Variants in ZFHX3 observed in about 807,000 individuals in gnomAD.
The protein encoded by ZFHX3 is zinc finger homeobox 3, also known as zinc finger homeobox protein 3.
A neutral mutation model predicts 279.1 loss-of-function variants in ZFHX3; 42 were observed. The ratio of observed to expected loss-of-function variants is 0.15; its 90% CI spans 0.12 to 0.19. The LOEUF (loss-of-function observed/expected upper bound fraction) is 0.19. Ranked by LOEUF, ZFHX3 falls within the 10% of genes least tolerant of loss-of-function variation. ZFHX3 has a pLI of 1.00. For missense variants in ZFHX3, 4,981 were observed against 4,754.0 expected, an observed-to-expected ratio of 1.05 and a Z score of -1.40; for synonymous variants, 2,293 against 1,957.8, an observed-to-expected ratio of 1.17 and a Z score of -4.52.
intron 3 of ZFHX3, among the ~76,000 whole-genome samples, chr16:73,336,803 C>T (rs756959791): frequency 1.3e-5 from 2 of 152,088 alleles, no homozygotes; most frequent in Admixed American, 1.3e-4. Flanking sequence ...TCTTTGCAAC[C>T]GCATCCCCTG....
chr16:72,832,812 C>T (rs2037095931), intron 4 of ZFHX3, among the ~76,000 whole-genome samples: 1 of 152,244 alleles, frequency 6.6e-6, no homozygotes, highest in Non-Finnish European at 1.5e-5. Flanking sequence ...CTAACCTGAG[C>T]ATGTGGAAAT....
intron 7 of ZFHX3, among the ~76,000 whole-genome samples, chr16:73,114,733 C>G (rs1256829826): frequency 1.3e-5 from 2 of 152,158 alleles, no homozygotes; most frequent in Non-Finnish European, 2.9e-5. Context: ...CAATTTTCTG[C>G]AAGGAAATAA....
chr16:73,711,696 G>C (rs1418568316), intron 1 of ZFHX3, among the ~76,000 whole-genome samples: 2 of 152,214 alleles, frequency 1.3e-5, no homozygotes, highest in Non-Finnish European at 2.9e-5. Flanking sequence ...GAAAAAATAA[G>C]AGGCTGATGG....
intron 1 of ZFHX3, among the ~76,000 whole-genome samples, chr16:72,994,915 C>G (rs140147860): frequency 7.4e-4 from 112 of 152,300 alleles, no homozygotes; most frequent in African/African-American, 2.5e-3. Context: ...TAGCAATATT[C>G]CGGAACCCCT....
At chr16:73,101,091 C>G (rs1875668878) in intron 7 of ZFHX3, among the ~76,000 whole-genome samples, 1 of 152,034 alleles carries the variant, frequency 6.6e-6, no homozygotes, top group African/African-American at 2.4e-5. Flanking sequence ...ATCCCATCAG[C>G]TCTGAGTCCC....
At chr16:73,090,762 T>A (rs1247507844) in intron 8 of ZFHX3, among the ~76,000 whole-genome samples, 3 of 150,088 alleles carry the variant, frequency 2.0e-5, no homozygotes, top group African/African-American at 7.4e-5. Flanking sequence ...ATACAAAACA[T>A]TAGCCAGGTG....
At chr16:73,887,839 A>G (rs2030398570) in intron 1 of ZFHX3, among the ~76,000 whole-genome samples, 1 of 152,128 alleles carries the variant, frequency 6.6e-6, no homozygotes. Flanking sequence ...CTCATTTTCA[A>G]CACTTAAAAT....
intron 2 of ZFHX3, among the ~76,000 whole-genome samples, chr16:73,571,870 G>T (rs2051740655): frequency 6.6e-6 from 1 of 151,922 alleles, no homozygotes; most frequent in African/African-American, 2.4e-5. Context: ...TTTTTTGGCT[G>T]AACTGTAAAT....
chr16:72,993,379 C>A (rs1039926903), intron 1 of ZFHX3, among the ~76,000 whole-genome samples: 5 of 152,206 alleles, frequency 3.3e-5, no homozygotes, highest in African/African-American at 1.2e-4. Flanking sequence ...CCAGACCTGT[C>A]CACAGGCCCC....
chr16:73,127,260 C>T (rs1034664531), intron 7 of ZFHX3: 20 of 1,128,166 alleles, frequency 1.8e-5, no homozygotes, highest in Middle Eastern at 2.4e-4. Flanking sequence ...TAAAGGCTGC[C>T]GATAGGAATG....
intron 2 of ZFHX3, among the ~76,000 whole-genome samples, chr16:73,652,707 T>G (rs913478119): frequency 6.6e-6 from 1 of 152,204 alleles, no homozygotes; most frequent in Non-Finnish European, 1.5e-5. Context: ...CTGGAGAAAC[T>G]GTAAAGGTAT....
chr16:73,266,027 A>C (rs1393853956), intron 4 of ZFHX3, among the ~76,000 whole-genome samples: 1 of 152,340 alleles, frequency 6.6e-6, no homozygotes, highest in Admixed American at 6.5e-5. Flanking sequence ...GCAATGGGGA[A>C]GTCCGTTTCG....
intron 2 of ZFHX3, among the ~76,000 whole-genome samples, chr16:73,654,313 T>C (rs1362818005): frequency 3.3e-5 from 5 of 152,004 alleles, no homozygotes; most frequent in African/African-American, 1.2e-4. Context: ...TTGAGAAAAA[T>C]TGAAATGATA....
chr16:73,333,738 A>G (rs533727947), intron 3 of ZFHX3, among the ~76,000 whole-genome samples: 1 of 151,318 alleles, frequency 6.6e-6, no homozygotes, highest in Admixed American at 6.6e-5. Context: ...CTTCAAACAG[A>G]AACACTGAGA....
At chr16:73,174,377 C>T (rs919879657) in intron 5 of ZFHX3, among the ~76,000 whole-genome samples, 1 of 152,134 alleles carries the variant, frequency 6.6e-6, no homozygotes, top group Non-Finnish European at 1.5e-5. Context: ...ATATTGACAG[C>T]GAGGCAGGAT....
At chr16:73,320,108 C>G (rs58144580) in intron 3 of ZFHX3, among the ~76,000 whole-genome samples, 8 of 152,038 alleles carry the variant, frequency 5.3e-5, no homozygotes, top group Non-Finnish European at 1.0e-4. Flanking sequence ...AGGGAAGAAC[C>G]GCAGGGATGC....
chr16:73,456,379 T>C (rs1403131724), intron 2 of ZFHX3: 1 of 152,138 alleles, frequency 6.6e-6, no homozygotes, highest in Non-Finnish European at 1.5e-5. Context: ...TTTATCTTCT[T>C]CTGCAGCACA....
At chr16:73,083,021 TAAAAAA>T (rs71156139) in intron 8 of ZFHX3, among the ~76,000 whole-genome samples, 3 of 132,048 alleles carry the variant, frequency 2.3e-5, no homozygotes, top group African/African-American at 6.2e-5. Flanking sequence ...CCATCTCTAC[TAAAAAA>T]AAAAAAAAAA....
chr16:73,086,990 T>C (rs1171285921), intron 8 of ZFHX3, among the ~76,000 whole-genome samples: 1 of 151,818 alleles, frequency 6.6e-6, no homozygotes, highest in Non-Finnish European at 1.5e-5. Context: ...CATAAGAAAA[T>C]ACAAATGTTT....
Sources: allele counts gnomAD v4.1 joint callset (sites outside exome capture counted in the v4.1 genomes callset), GRCh38; gene constraint gnomAD v4.1.1; transcripts MANE v1.5; gene names NCBI Gene and HGNC (gene_info 2026-07-23, HGNC 2026-07-21).